The following UBE2W variants were observed in gnomAD, a reference collection of about 807,000 sequenced individuals.
UBE2W encodes ubiquitin-conjugating enzyme E2 W.
UBE2W carries 18 observed loss-of-function variants against 27.2 expected under a neutral mutation model. That is an observed-to-expected ratio of 0.66 (90% CI 0.46 to 0.98). The LOEUF (loss-of-function observed/expected upper bound fraction) is 0.98, where lower values mean the gene tolerates loss of function less well. Among genes scored for constraint, UBE2W ranks in the 50% least tolerant of loss-of-function variants. The pLI is 0.00. For missense variants in UBE2W, 90 were observed against 180.2 expected, an observed-to-expected ratio of 0.50 and a Z score of 2.87; for synonymous variants, 53 against 57.2, an observed-to-expected ratio of 0.93 and a Z score of 0.33.
At chr8:73,864,851 C>T (rs547014656) in intron 1 of UBE2W, among the ~76,000 whole-genome samples, 1 of 151,750 alleles carries the variant, frequency 6.6e-6, no homozygotes, top group East Asian at 1.9e-4. Flanking sequence ...ATCCACCCAA[C>T]TCAGCCTCCC....
At chr8:73,833,209 G>T (rs1423654063) in intron 1 of UBE2W, among the ~76,000 whole-genome samples, 1 of 105,604 alleles carries the variant, frequency 9.5e-6, no homozygotes, top group Non-Finnish European at 1.9e-5. Context: ...AAAAAAAAAA[G>T]CCATAGTTCT....
chr8:73,823,516 T>C (rs567767741), intron 3 of UBE2W, among the ~76,000 whole-genome samples: 1 of 152,150 alleles, frequency 6.6e-6, no homozygotes, highest in Non-Finnish European at 1.5e-5. Flanking sequence ...GGTAGACAAA[T>C]AGGCTGATGA....
chr8:73,788,042 G>T lies in UBE2W; in HGVS notation c.*6060C>A. On this transcript the variant is annotated 3_prime_UTR_variant, in exon 6 of 6. Coordinates refer to ENST00000602593, the MANE Select transcript of UBE2W (RefSeq NM_018299.6). ...TTTAAAATTCAGTCTTTTGTGAAGA[G>T]AAACTACTGTACAAATACTTTTACG... 1 of 985,330 alleles carries T rather than the reference G, an allele frequency of 1.0e-6. No homozygotes were observed. Among genetic ancestry groups the T allele is most frequent in the Non-Finnish European group, 1.2e-6 (1 of 829,880 alleles). The allele number at this position is 985,330 out of a possible 1,614,324, so 61.0% of individuals were successfully genotyped here.
In UBE2W at chr8:73,792,634, G is replaced by C; in HGVS notation, c.*1468C>G. On this transcript the variant is annotated 3_prime_UTR_variant, in exon 6 of 6. Transcript: ENST00000602593. Reference sequence around the variant, plus strand: ...TTCACTGCAGGATATTTCAAAAAGAGTGCAACAATAAGGCATTAGTAAAAA... The same window carrying C: ...TTCACTGCAGGATATTTCAAAAAGACTGCAACAATAAGGCATTAGTAAAAA... 2 of 985,594 alleles carry C rather than the reference G, an allele frequency of 2.0e-6. No homozygotes were observed. The highest frequency in any genetic ancestry group is 5.2e-4 in the Middle Eastern group (1 of 1,912). The allele number at this position is 985,594 out of a possible 1,614,324, so 61.1% of individuals were successfully genotyped here.
chr8:73,798,769 T>C (rs1027113835), intron 5 of UBE2W, among the ~76,000 whole-genome samples: 23 of 152,216 alleles, frequency 1.5e-4, no homozygotes, highest in Admixed American at 9.2e-4. Flanking sequence ...TTTTATGATA[T>C]AGAACTCTGA....
Position 73,822,623 on chromosome 8 carries a change from A to T in UBE2W, c.210+2524T>A, listed in dbSNP as rs1417462664. Among the ~76,000 whole-genome samples the T allele has an allele frequency of 2.2e-4, 33 of 146,670 alleles. 1 individual carries two copies. Among genetic ancestry groups the T allele is most frequent in the African/African-American group, 6.7e-4 (26 of 38,942 alleles). ...ACTGCAAAAAAAAAAAAAAAAAAAA[A>T]AAAAAAAAAAATTAGCTGGGTGTGG... On this transcript the variant is annotated intron_variant, in intron 3 of 5. Coordinates refer to ENST00000602593, the MANE Select transcript of UBE2W (RefSeq NM_018299.6).
intron 1 of UBE2W, among the ~76,000 whole-genome samples, chr8:73,841,403 G>A (rs957462141): frequency 1.3e-5 from 2 of 152,052 alleles, no homozygotes; most frequent in African/African-American, 4.8e-5. Flanking sequence ...TTCCCTTTCA[G>A]GAAAGAGAAT....
intron 1 of UBE2W, among the ~76,000 whole-genome samples, chr8:73,848,707 A>C (rs1402479874): frequency 6.6e-6 from 1 of 152,124 alleles, no homozygotes; most frequent in African/African-American, 2.4e-5. Flanking sequence ...AAAAACAAAA[A>C]AGAAATCAGG....
At chr8:73,856,357 A>ATTTTTTTTTTTTTTTTTTTTTTTTTTTTT (rs34593904) in intron 1 of UBE2W, among the ~76,000 whole-genome samples, 3 of 89,344 alleles carry the variant, frequency 3.4e-5, no homozygotes, top group African/African-American at 4.4e-5. Context: ...ACACTTATGA[A>ATTTTTTTTTTTTTTTTTTTTTTTTTTTTT]TTTTTTTTTT....
intron 3 of UBE2W, among the ~76,000 whole-genome samples, chr8:73,822,721 T>C (rs1586480015): frequency 1.3e-5 from 2 of 150,854 alleles, no homozygotes; most frequent in African/African-American, 4.9e-5. Flanking sequence ...GTGGCAGCAG[T>C]TGCAGTGAGC....
Position 73,792,964 on chromosome 8 carries a change from A to G in UBE2W, c.*1138T>C, listed in dbSNP as rs1484257127. ...AATGTCCACACTCTTTTGTTAAAAC[A>G]TTAAGCCTCTGTCAAAAATGTATTT... On this transcript the variant is annotated 3_prime_UTR_variant, in exon 6 of 6. Coordinates refer to ENST00000602593, the MANE Select transcript of UBE2W (RefSeq NM_018299.6). The G allele has an allele frequency of 1.9e-5, 19 of 985,508 alleles. No individual in the cohort carries two copies. The Admixed American group carries it at 3.7e-4, about 19-fold the overall frequency. The allele number at this position is 985,508 out of a possible 1,614,324, so 61.0% of individuals were successfully genotyped here.
rs1333672323 is a variant in UBE2W at position 73,791,423 on chromosome 8, C to T, written c.*2679G>A. 3.0e-6 allele frequency: 3 copies of T among 984,934 alleles called. No individual in the cohort carries two copies. In the Admixed American group the frequency reaches 1.8e-4, roughly 61 times the overall value. 61.0% of individuals were successfully genotyped at this position (984,934 alleles called of 1,614,324 possible). A position where few individuals can be genotyped will look rare whatever the true frequency, so the allele number is the denominator to read the frequency against. ...AAAGAAGAAGAGTGTACCTTATCTT[C>T]TAAGTATGAAAGTCTAATTCTGTAG... On this transcript the variant is annotated 3_prime_UTR_variant, in exon 6 of 6. Transcript: ENST00000602593.
chr8:73,809,286 C>T (rs1809052089), intron 4 of UBE2W, among the ~76,000 whole-genome samples: 1 of 152,292 alleles, frequency 6.6e-6, no homozygotes, highest in South Asian at 2.1e-4. Flanking sequence ...GAACTATTAT[C>T]TTAAAAGTTC....
rs1030992423 is a variant in UBE2W, at chr8:73,790,102, T to C, written c.*4000A>G. 10 of 984,968 alleles carry C rather than the reference T, an allele frequency of 1.0e-5. No homozygotes were observed. The highest frequency in any genetic ancestry group is 1.7e-5 in the African/African-American group (1 of 57,210). 61.0% of individuals were successfully genotyped at this position (984,968 alleles called of 1,614,324 possible). A position where few individuals can be genotyped will look rare whatever the true frequency, so the allele number is the denominator to read the frequency against. On this transcript the variant is annotated 3_prime_UTR_variant, in exon 6 of 6. Coordinates refer to ENST00000602593, the MANE Select transcript of UBE2W (RefSeq NM_018299.6). The stretch of plus-strand genomic sequence containing the variant: ...AGTATCAGAAACTCCATGTATTTTA[T>C]TTGTAGGAGAGCATTTTAAATTTTT...
chr8:73,796,536 GA>G, intron 5 of UBE2W: 1 of 605,426 alleles, frequency 1.7e-6, no homozygotes, highest in Non-Finnish European at 2.1e-6. Context: ...CTACCAAAAT[GA>G]TTAGGAAATC....
At position 73,845,262 on chromosome 8, in the gene UBE2W, G is replaced by A. The variant is rs182564829; in HGVS notation, c.16-14790C>T. 2.4e-3 allele frequency among the ~76,000 whole-genome samples: 360 copies of A among 152,316 alleles called. 2 individuals carry two copies. Among genetic ancestry groups the A allele is most frequent in the African/African-American group, 8.0e-3 (331 of 41,568 alleles). Reference sequence around the variant, plus strand: ...CCATGATGACGATGGCGGTTTTGTCGAACAGAAAAGGAGGAAATGTGGAGA... The same window carrying A: ...CCATGATGACGATGGCGGTTTTGTCAAACAGAAAAGGAGGAAATGTGGAGA... On this transcript the variant is annotated intron_variant, in intron 1 of 5. Coordinates refer to ENST00000602593, the MANE Select transcript of UBE2W (RefSeq NM_018299.6).
At chr8:73,800,991 T>C (rs1808616295) in intron 5 of UBE2W, among the ~76,000 whole-genome samples, 2 of 152,022 alleles carry the variant, frequency 1.3e-5, no homozygotes, top group South Asian at 4.1e-4. Flanking sequence ...ACTCGGGAGC[T>C]GAGGCAGGAG....
chr8:73,811,314 C>G lies in UBE2W; in HGVS notation c.211-685G>C, dbSNP rs184741674. Among the ~76,000 whole-genome samples, 102 of 152,228 alleles carry G rather than the reference C, an allele frequency of 6.7e-4. 2 individuals are homozygous for G. Among genetic ancestry groups the G allele is most frequent in the Admixed American group, 6.3e-3 (96 of 15,284 alleles). ...TTTTCCTTTCTCTATCATGTCTCAG[C>G]AATGTTTTGAATGGTAATAAATCTA... On this transcript the variant is annotated intron_variant, in intron 3 of 5. Transcript: ENST00000602593.
intron 1 of UBE2W, among the ~76,000 whole-genome samples, chr8:73,844,916 G>C (rs1378152586): frequency 6.7e-6 from 1 of 149,322 alleles, no homozygotes; most frequent in African/African-American, 2.5e-5. Context: ...CCCGGCAGCC[G>C]CCCGGTCTGG....
Sources: allele counts gnomAD v4.1 joint callset (sites outside exome capture counted in the v4.1 genomes callset), GRCh38; gene constraint gnomAD v4.1.1; transcripts MANE v1.5; gene names NCBI Gene and HGNC (gene_info 2026-07-23, HGNC 2026-07-21).